Variants in OLFML2B observed in about 807,000 individuals in gnomAD.
OLFML2B encodes the protein olfactomedin like 2B, also known as olfactomedin-like protein 2B.
A neutral mutation model predicts 74.9 loss-of-function variants in OLFML2B; 57 were observed. The ratio of observed to expected loss-of-function variants is 0.76; its 90% CI spans 0.61 to 0.95. The LOEUF is 0.95. Among genes scored for constraint, OLFML2B ranks in the 40% least tolerant of loss-of-function variants. The probability of loss-of-function intolerance (pLI) is 0.00; values close to 1 mark genes in which losing one functional copy is unlikely to be tolerated. For synonymous variants in OLFML2B, 388 were observed against 405.8 expected, an observed-to-expected ratio of 0.96 and a Z score of 0.53; for missense variants, 986 against 970.6, an observed-to-expected ratio of 1.02 and a Z score of -0.21.
chr1:161,998,013 G>T lies in OLFML2B; in HGVS notation c.1286C>A (p.Pro429Gln), dbSNP rs749805939. 4.3e-6 allele frequency: 7 copies of T among 1,614,162 alleles called. No individual in the cohort carries two copies. In the South Asian group the frequency reaches 6.6e-5, roughly 15 times the overall value. Reference sequence around the variant, plus strand: ...CACTGCCGGAGGAGCTGGGGCTGCTGGTTGCTGGGTGGCTGTGTGGGCCAC... The same window carrying T: ...CACTGCCGGAGGAGCTGGGGCTGCTTGTTGCTGGGTGGCTGTGTGGGCCAC... ...TTVAHTATQQ[P>Q]AAPAPPAVSP... Residue 429 changes from proline (P) to glutamine (Q), a missense_variant, in exon 6 of 8, where the codon CCA (proline) becomes CAA (glutamine). Physicochemically the swap from Pro to Gln is moderately conservative, Grantham distance 76. Coordinates refer to ENST00000294794, the MANE Select transcript of OLFML2B (RefSeq NM_015441.3).
chr1:161,991,554 G>C (rs994442613), intron 6 of OLFML2B, among the ~76,000 whole-genome samples: 1 of 152,184 alleles, frequency 6.6e-6, no homozygotes, highest in Non-Finnish European at 1.5e-5. Flanking sequence ...GGCCAACATG[G>C]TGAAACTCCA....
Position 161,984,127 on chromosome 1 carries a change from G to C in OLFML2B, c.1801C>G (p.Leu601Val). The change falls in exon 8 of 8, where the codon CTG becomes GTG. Residue 601 changes from leucine to valine, a missense_variant. By Grantham distance (32) the Leu-to-Val change is conservative. Transcript: ENST00000294794. ...KQRYVAAWAMLHDVAYEEATP... is the reference protein window; with the variant it reads ...KQRYVAAWAMVHDVAYEEATP... ...GCCTCCTCGTAGGCCACGTCATGCA[G>C]CATGGCCCAGGCAGCCACGTAGCGC... The C allele has an allele frequency of 6.2e-7, 1 of 1,611,220 alleles. No homozygotes were observed. The highest frequency in any genetic ancestry group is 1.3e-5 in the African/African-American group (1 of 75,006).
chr1:162,009,849 GGCCTTTGGTGAGGC>G (rs1690326243), intron 3 of OLFML2B, among the ~76,000 whole-genome samples: 1 of 152,174 alleles, frequency 6.6e-6, no homozygotes, highest in African/African-American at 2.4e-5. Context: ...TCACACCAAA[GGCCTTTGGTGAGGC>G]GATTCTCAGG....
At chr1:162,002,493 C>T (rs1407990448) in intron 4 of OLFML2B, among the ~76,000 whole-genome samples, 2 of 152,240 alleles carry the variant, frequency 1.3e-5, no homozygotes, top group Non-Finnish European at 2.9e-5. Context: ...CTGGCCACCA[C>T]GGCCAATGTG....
intron 6 of OLFML2B, among the ~76,000 whole-genome samples, chr1:161,987,979 G>A (rs991130573): frequency 2.6e-5 from 4 of 152,190 alleles, no homozygotes; most frequent in Non-Finnish European, 5.9e-5. Context: ...AGAATCTGGG[G>A]CAGCTCAGAT....
At chr1:162,018,942 T>C (rs554089621) in intron 2 of OLFML2B, among the ~76,000 whole-genome samples, 1 of 152,360 alleles carries the variant, frequency 6.6e-6, no homozygotes, top group South Asian at 2.1e-4. Flanking sequence ...TTTTGCCTTA[T>C]AGTGTTCCAG....
Position 162,023,509 on chromosome 1 carries a change from G to A in OLFML2B, c.-79C>T, listed in dbSNP as rs1279479624. On this transcript the variant is annotated 5_prime_UTR_variant, in exon 1 of 8. Coordinates refer to ENST00000294794, the MANE Select transcript of OLFML2B (RefSeq NM_015441.3). Reference sequence around the variant, plus strand: ...GGTCTCGGCAAGGACTTCTGCGAGAGGGTGTCCTCGCTAGAGCCCGAAAGT... The same window carrying A: ...GGTCTCGGCAAGGACTTCTGCGAGAAGGTGTCCTCGCTAGAGCCCGAAAGT... 7.4e-7 allele frequency: 1 copy of A among 1,352,908 alleles called. No individual in the cohort carries two copies. The highest frequency in any genetic ancestry group is 1.5e-5 in the African/African-American group (1 of 66,568). The allele number at this position is 1,352,908 out of a possible 1,614,324, so 83.8% of individuals were successfully genotyped here.
At chr1:162,001,676 G>A (rs1015030487) in intron 4 of OLFML2B, among the ~76,000 whole-genome samples, 5 of 152,234 alleles carry the variant, frequency 3.3e-5, no homozygotes, top group African/African-American at 1.2e-4. Context: ...TGCTTCTGCT[G>A]TAGCACCTCT....
At position 161,983,625 on chromosome 1, in the gene OLFML2B, C is replaced by T; in HGVS notation, c.*50G>A. The T allele has an allele frequency of 1.3e-6, 2 of 1,568,294 alleles. No individual in the cohort carries two copies. The highest frequency in any genetic ancestry group is 1.7e-6 in the Non-Finnish European group (2 of 1,153,126). On this transcript the variant is annotated 3_prime_UTR_variant, in exon 8 of 8. Transcript: ENST00000294794. ...ACACACGTGCGCGCACACACATACA[C>T]ACAAGGTGCTAGTGACCCCTCTGTG... is the stretch of plus-strand genomic sequence containing the variant.
rs761000648 is a variant in OLFML2B at position 161,998,128 on chromosome 1, C to G, written c.1171G>C (p.Val391Leu). 6.8e-6 allele frequency: 11 copies of G among 1,614,058 alleles called. No individual in the cohort carries two copies. In the Admixed American group the frequency reaches 1.8e-4, roughly 27 times the overall value. ...GAGGTTGTTTGGAGTGTTGGTCCCA[C>G]TGAGGCATGGTTGGCGATGCTGGGA... is the stretch of plus-strand genomic sequence containing the variant. Reference protein sequence around the residue: ...SDPSIANHASVGPTLQTTSVS... With the variant: ...SDPSIANHASLGPTLQTTSVS... The change falls in exon 6 of 8, where the codon GTG becomes CTG. Residue 391 changes from valine to leucine, a missense_variant. Transcript: ENST00000294794.
chr1:162,016,435 T>C (rs979544811), intron 3 of OLFML2B, among the ~76,000 whole-genome samples: 6 of 152,190 alleles, frequency 3.9e-5, no homozygotes, highest in African/African-American at 1.4e-4. Context: ...CCTTAGCTCT[T>C]TCATGATAGC....
chr1:161,998,453 A>C (rs919381780), intron 5 of OLFML2B, 104 bp from the exon 6 acceptor site: 2 of 1,297,090 alleles, frequency 1.5e-6, no homozygotes, highest in African/African-American at 1.5e-5. Context: ...GCCTTTCCTT[A>C]ACACGACGGC....
chr1:162,018,565 A>G (rs954038409), intron 2 of OLFML2B, among the ~76,000 whole-genome samples: 1 of 152,222 alleles, frequency 6.6e-6, no homozygotes, highest in Non-Finnish European at 1.5e-5. Context: ...CTCTATGGCA[A>G]GCTGCCACAG....
At position 162,019,938 on chromosome 1, in the gene OLFML2B, G is replaced by A. The variant is rs781530663; in HGVS notation, c.419C>T (p.Ala140Val). Residue 140 changes from alanine to valine, a missense_variant, in exon 2 of 8, where the codon GCA becomes GTA. Coordinates refer to ENST00000294794, the MANE Select transcript of OLFML2B (RefSeq NM_015441.3). ...TCCTACCTTCAAGTCCTGGCTGTCT[G>A]CCTCCCGCAGCTTCTGGAGCCTGAA... Reference protein sequence around the residue: ...GDFRLQKLREADSQDLKLSTI... With the variant: ...GDFRLQKLREVDSQDLKLSTI... The A allele has an allele frequency of 1.9e-6, 3 of 1,614,022 alleles. No individual in the cohort carries two copies. In the African/African-American group the frequency reaches 4.0e-5, roughly 22 times the overall value.
Position 161,983,628 on chromosome 1 carries a change from A to G in OLFML2B, c.*47T>C. The G allele has an allele frequency of 1.3e-6, 2 of 1,568,486 alleles. No individual in the cohort carries two copies. The highest frequency in any genetic ancestry group is 2.3e-5 in the East Asian group (1 of 44,336). ...CACGTGCGCGCACACACATACACAC[A>G]AGGTGCTAGTGACCCCTCTGTGCTT... is the stretch of plus-strand genomic sequence containing the variant. On this transcript the variant is annotated 3_prime_UTR_variant, in exon 8 of 8. Coordinates refer to ENST00000294794, the MANE Select transcript of OLFML2B (RefSeq NM_015441.3).
At position 161,984,944 on chromosome 1, in the gene OLFML2B, G is replaced by A. The variant is rs537389875; in HGVS notation, c.1511C>T (p.Pro504Leu). ...CCGCCCATATGTGTTCTGGGTGGTCGGCCCCGTGATTGTGGAGAGAGTGTC... is the reference window on the plus strand; with the variant it reads ...CCGCCCATATGTGTTCTGGGTGGTCAGCCCCGTGATTGTGGAGAGAGTGTC... ...CKDTLSTITG[P>L]TTQNTYGRNE... Residue 504 changes from proline to leucine, a missense_variant, in exon 7 of 8, where the codon CCG becomes CTG. Transcript: ENST00000294794. 5.2e-5 allele frequency: 84 copies of A among 1,610,782 alleles called. No individual in the cohort carries two copies. In the South Asian group the frequency reaches 5.3e-4, roughly 10 times the overall value.
At chr1:162,014,774 ATCACCT>A (rs1051729291) in intron 3 of OLFML2B, among the ~76,000 whole-genome samples, 11 of 152,302 alleles carry the variant, frequency 7.2e-5, no homozygotes, top group Middle Eastern at 3.4e-3. Context: ...TCAGCACCCT[ATCACCT>A]TAGGCTGTCT....
chr1:161,985,069 G>C, intron 6 of OLFML2B, 89 bp from the exon 7 acceptor site: 2 of 1,372,592 alleles, frequency 1.5e-6, no homozygotes, highest in Admixed American at 2.3e-5. Flanking sequence ...TTAGAGTCTG[G>C]ACTCCTCGGC....
At chr1:161,998,433 A>G (rs1298078994) in intron 5 of OLFML2B, 84 bp from the exon 6 acceptor site, 8 of 1,449,232 alleles carry the variant, frequency 5.5e-6, no homozygotes, top group African/African-American at 1.4e-5. Context: ...GAGCAGGTGA[A>G]TTAGAGGGTG....
Sources: gnomAD v4.1 joint callset for allele counts (sites outside exome capture counted in the v4.1 genomes callset) on GRCh38, gnomAD v4.1.1 for gene constraint, MANE v1.5 for transcripts, NCBI Gene and HGNC (gene_info 2026-07-23, HGNC 2026-07-21) for gene names.